Variants in SPMIP3 observed in about 807,000 individuals in gnomAD.
SPMIP3 encodes sperm microtubule inner protein 3.
the SPMIP3 span, among the ~76,000 whole-genome samples, chr1:244,375,862 T>A: frequency 6.6e-6 from 1 of 152,166 alleles, no homozygotes; most frequent in Non-Finnish European, 1.5e-5. Flanking sequence ...AGATAGGGTT[T>A]CACCATGTTG....
chr1:244,358,895 A>G, the SPMIP3 span, among the ~76,000 whole-genome samples: 1 of 152,254 alleles, frequency 6.6e-6, no homozygotes, highest in East Asian at 1.9e-4. Context: ...TATTAAGGCA[A>G]CTAAAAAATT....
At chr1:244,365,516 G>A in the SPMIP3 span, among the ~76,000 whole-genome samples, 19 of 152,236 alleles carry the variant, frequency 1.2e-4, no homozygotes, top group African/African-American at 2.9e-4. Context: ...CTCCCCAGCC[G>A]TGTGGAACTG....
At chr1:244,372,444 AT>A in the SPMIP3 span, among the ~76,000 whole-genome samples, 48,195 of 140,626 alleles carry the variant, frequency 0.34, 8,144 homozygotes, top group Non-Finnish European at 0.43. Context: ...CTGACTCTGA[AT>A]TTTTTTTTTT....
the SPMIP3 span, among the ~76,000 whole-genome samples, chr1:244,361,823 A>G: frequency 6.6e-6 from 1 of 152,196 alleles, no homozygotes; most frequent in African/African-American, 2.4e-5. Flanking sequence ...CTTCAAAGGG[A>G]TAGTGGGGGC....
chr1:244,369,061 A>G, the SPMIP3 span, among the ~76,000 whole-genome samples: 1 of 152,192 alleles, frequency 6.6e-6, no homozygotes, highest in African/African-American at 2.4e-5. Context: ...CGGGAGGCTG[A>G]GGCAGGAGAA....
the SPMIP3 span, among the ~76,000 whole-genome samples, chr1:244,381,014 G>A: frequency 6.6e-6 from 1 of 152,064 alleles, no homozygotes; most frequent in African/African-American, 2.4e-5. Context: ...GAGGAGGCTG[G>A]GGCTGAGGTC....
chr1:244,368,723 G>A, the SPMIP3 span, among the ~76,000 whole-genome samples: 1 of 152,226 alleles, frequency 6.6e-6, no homozygotes, highest in Admixed American at 6.5e-5. Flanking sequence ...CCCTTGTGTG[G>A]TTCTGCACAA....
chr1:244,354,554 T>G, the SPMIP3 span, among the ~76,000 whole-genome samples: 2 of 152,014 alleles, frequency 1.3e-5, no homozygotes, highest in Non-Finnish European at 2.9e-5. Flanking sequence ...TAGAAACAGG[T>G]TTCAACATGT....
chr1:244,372,668 C>T, the SPMIP3 span, among the ~76,000 whole-genome samples: 2 of 152,136 alleles, frequency 1.3e-5, no homozygotes, highest in East Asian at 3.9e-4. Context: ...TGGTCTCGAA[C>T]TCCTGACCTT....
chr1:244,381,298 G>A, the SPMIP3 span, among the ~76,000 whole-genome samples: 8 of 152,292 alleles, frequency 5.3e-5, no homozygotes, highest in African/African-American at 1.9e-4. Flanking sequence ...GAGTTTGAAA[G>A]CTGTTCCCTT....
chr1:244,389,033 A>C, the SPMIP3 span: 1 of 1,613,836 alleles, frequency 6.2e-7, no homozygotes, highest in East Asian at 2.2e-5. Flanking sequence ...GTGAAGAGAG[A>C]AGCAGCTTTG....
chr1:244,388,673 G>T, the SPMIP3 span, among the ~76,000 whole-genome samples: 1 of 152,140 alleles, frequency 6.6e-6, no homozygotes, highest in African/African-American at 2.4e-5. Context: ...GACTAAAAAG[G>T]TTTGGGGGTA....
chr1:244,375,542 A>C, the SPMIP3 span: 3 of 1,119,242 alleles, frequency 2.7e-6, no homozygotes, highest in East Asian at 7.2e-5. Context: ...CGGCGGGGGG[A>C]AGATACACTA....
At chr1:244,362,646 C>T in the SPMIP3 span, among the ~76,000 whole-genome samples, 8 of 151,982 alleles carry the variant, frequency 5.3e-5, no homozygotes, top group Non-Finnish European at 7.4e-5. Flanking sequence ...AATGACCTGC[C>T]GCAGGTCACA....
the SPMIP3 span, among the ~76,000 whole-genome samples, chr1:244,377,288 ATTC>A: frequency 6.6e-6 from 1 of 151,510 alleles, no homozygotes; most frequent in Non-Finnish European, 1.5e-5. Context: ...TGCCCGACTA[ATTC>A]TTTTTTGTAT....
chr1:244,379,530 T>A, the SPMIP3 span, among the ~76,000 whole-genome samples: 7 of 152,160 alleles, frequency 4.6e-5, no homozygotes, highest in Non-Finnish European at 8.8e-5. Context: ...GAGCCCCTTG[T>A]CACATGACAA....
the SPMIP3 span, among the ~76,000 whole-genome samples, chr1:244,361,235 C>CTTTTTTTTTTTTTTT: frequency 2.6e-4 from 31 of 119,294 alleles, no homozygotes; most frequent in East Asian, 4.8e-4. Flanking sequence ...TTCTTTCTTT[C>CTTTTTTTTTTTTTTT]TTTTTTTTTT....
chr1:244,363,213 C>A, the SPMIP3 span, among the ~76,000 whole-genome samples: 3 of 152,034 alleles, frequency 2.0e-5, no homozygotes, highest in Non-Finnish European at 2.9e-5. Context: ...CAAGACCAGC[C>A]TGGCCAACAT....
chr1:244,389,348 TAAG>T, the SPMIP3 span: 1 of 206,902 alleles, frequency 4.8e-6, no homozygotes, highest in Non-Finnish European at 9.9e-6. Context: ...CAGGATCAGG[TAAG>T]AAGATCATTG....
Sources: gnomAD v4.1 joint callset for allele counts (sites outside exome capture counted in the v4.1 genomes callset) on GRCh38, gnomAD v4.1.1 for gene constraint, MANE v1.5 for transcripts, NCBI Gene and HGNC (gene_info 2026-07-23, HGNC 2026-07-21) for gene names.